Variants in DUSP19 observed in about 807,000 individuals in gnomAD.
DUSP19 encodes the protein dual specificity protein phosphatase 19.
In DUSP19, 14 loss-of-function variants were observed where a neutral mutation model predicts 16.6. The ratio of observed to expected loss-of-function variants is 0.84; its 90% CI spans 0.56 to 1.32. The LOEUF (loss-of-function observed/expected upper bound fraction) is 1.32. Ranked by LOEUF, DUSP19 falls within the 40% of genes most tolerant of loss-of-function variation. The pLI is 0.00. For missense variants in DUSP19, 258 were observed against 255.9 expected, an observed-to-expected ratio of 1.01 and a Z score of -0.06; for synonymous variants, 81 against 90.5, an observed-to-expected ratio of 0.90 and a Z score of 0.59.
rs1378440626 is a variant in DUSP19 at position 183,083,528 on chromosome 2, G to T, written c.247G>T (p.Asp83Tyr). The T allele has an allele frequency of 1.2e-6, 2 of 1,611,790 alleles. No homozygotes were observed. Among genetic ancestry groups the T allele is most frequent in the Admixed American group, 3.3e-5 (2 of 59,856 alleles). ...TCTAGGGTCACAAGATGCTGCTCAT[G>T]ATTTGGATACACTGAAAAAGAATAA... Reference protein sequence around the residue: ...LLLGSQDAAHDLDTLKKNKVT... With the variant: ...LLLGSQDAAHYLDTLKKNKVT... The change falls in exon 2 of 4, where the codon GAT (aspartate) becomes TAT (tyrosine). Residue 83 changes from aspartate (D) to tyrosine (Y), a missense_variant. By Grantham distance (160) the Asp-to-Tyr change is radical (BLOSUM62 -3). Transcript: ENST00000354221.
chr2:183,089,413 C>T (rs1348127857), intron 3 of DUSP19, among the ~76,000 whole-genome samples: 2 of 152,190 alleles, frequency 1.3e-5, no homozygotes, highest in Non-Finnish European at 2.9e-5. Context: ...TCAAAGTTTG[C>T]CAGTGGGGAT....
rs1292745622 is a variant in DUSP19, at chr2:183,097,073, T to C, written c.*1415T>C. The C allele has an allele frequency of 3.3e-5, 5 of 151,658 alleles. No homozygotes were observed. The South Asian group carries it at 1.0e-3, about 32-fold the overall frequency. 9.4% of individuals were successfully genotyped at this position (151,658 alleles called of 1,614,324 possible). A position where few individuals can be genotyped will look rare whatever the true frequency, so the allele number is the denominator to read the frequency against. On this transcript the variant is annotated 3_prime_UTR_variant, in exon 4 of 4. Transcript: ENST00000354221. The stretch of plus-strand genomic sequence containing the variant: ...CAGGGTCTTGCTCTGTCACCTAGGC[T>C]AGAGTGGAGTGGCATGAACACAACG...
At position 183,079,007 on chromosome 2, in the gene DUSP19, C is replaced by G; in HGVS notation, c.74C>G (p.Thr25Arg). 6.2e-7 allele frequency: 1 copy of G among 1,614,090 alleles called. No homozygotes were observed. Among genetic ancestry groups the G allele is most frequent in the South Asian group, 1.1e-5 (1 of 91,072 alleles). The change falls in exon 1 of 4, where the codon ACG (threonine) becomes AGG (arginine). Residue 25 changes from threonine (T) to arginine (R), a missense_variant. Physicochemically the swap from Thr to Arg is moderately conservative, Grantham distance 71 (BLOSUM62 -1). Coordinates refer to ENST00000354221, the MANE Select transcript of DUSP19 (RefSeq NM_080876.4). ...NLRKQCTRVT[T>R]LTGKKIIETW... ...AGGAAGCAATGCACCAGGGTGACAA[C>G]GCTAACTGGAAAGAAAATTATAGAA...
intron 3 of DUSP19, among the ~76,000 whole-genome samples, chr2:183,095,023 T>C (rs953042101): frequency 6.6e-5 from 10 of 152,200 alleles, no homozygotes; most frequent in African/African-American, 2.4e-4. Context: ...GGCTACAAAG[T>C]TGTTAGGTTT....
chr2:183,083,487 G>A, intron 1 of DUSP19, 21 bp from the exon 2 acceptor site: 2 of 1,588,386 alleles, frequency 1.3e-6, no homozygotes, highest in Non-Finnish European at 8.6e-7. Context: ...TGTTCAAGGT[G>A]GTATCATTTA....
intron 3 of DUSP19, among the ~76,000 whole-genome samples, chr2:183,093,182 A>C (rs1024446518): frequency 6.6e-6 from 1 of 152,206 alleles, no homozygotes; most frequent in African/African-American, 2.4e-5. Context: ...ACTCTATGAA[A>C]TGGAAATAAC....
rs1284006498 is a variant in DUSP19 at position 183,098,838 on chromosome 2, T to C, written c.*3180T>C. 1.3e-5 allele frequency: 2 copies of C among 152,222 alleles called. No individual in the cohort carries two copies. The highest frequency in any genetic ancestry group is 6.5e-5 in the Admixed American group (1 of 15,284). The allele number at this position is 152,222 out of a possible 1,614,324, so 9.4% of individuals were successfully genotyped here. A position where few individuals can be genotyped will look rare whatever the true frequency, so the allele number is the denominator to read the frequency against. Reference sequence around the variant, plus strand: ...GGTTTCTGATTACATAAAATTTGAATAGAACACTCAAGAAGTATGTAGATT... The same window carrying C: ...GGTTTCTGATTACATAAAATTTGAACAGAACACTCAAGAAGTATGTAGATT... On this transcript the variant is annotated 3_prime_UTR_variant, in exon 4 of 4. Transcript: ENST00000354221.
In DUSP19 at chr2:183,095,696, G is replaced by A; in HGVS notation, c.*38G>A. 6.6e-7 allele frequency: 1 copy of A among 1,516,776 alleles called. No homozygotes were observed. Among genetic ancestry groups the A allele is most frequent in the South Asian group, 1.2e-5 (1 of 82,902 alleles). 94.0% of individuals were successfully genotyped at this position (1,516,776 alleles called of 1,614,324 possible). A position where few individuals can be genotyped will look rare whatever the true frequency, so the allele number is the denominator to read the frequency against. ...CAGACAATGGACAACTGTAGTTTCTGAATTGACTTCTATAGCCATCTTTTC... is the reference window on the plus strand; with the variant it reads ...CAGACAATGGACAACTGTAGTTTCTAAATTGACTTCTATAGCCATCTTTTC... On this transcript the variant is annotated 3_prime_UTR_variant, in exon 4 of 4. Transcript: ENST00000354221.
Position 183,099,525 on chromosome 2 carries a change from T to C in DUSP19, c.*3867T>C, listed in dbSNP as rs1325781963. ...AATAACTTATAGTTAGACTTTTCTA[T>C]TTCAAGTAAAGCTTTGAGTTACTTG... On this transcript the variant is annotated 3_prime_UTR_variant, in exon 4 of 4. Transcript: ENST00000354221. 2 of 152,252 alleles carry C rather than the reference T, an allele frequency of 1.3e-5. No individual in the cohort carries two copies. Among genetic ancestry groups the C allele is most frequent in the Admixed American group, 6.5e-5 (1 of 15,282 alleles). The allele number at this position is 152,252 out of a possible 1,614,324, so 9.4% of individuals were successfully genotyped here.
At chr2:183,086,289 A>G (rs1313386633) in intron 2 of DUSP19, among the ~76,000 whole-genome samples, 1 of 152,208 alleles carries the variant, frequency 6.6e-6, no homozygotes, top group African/African-American at 2.4e-5. Flanking sequence ...AATTCTTGAA[A>G]GGGAAGTTGT....
At chr2:183,092,815 T>C (rs1048936311) in intron 3 of DUSP19, among the ~76,000 whole-genome samples, 7 of 150,680 alleles carry the variant, frequency 4.6e-5, no homozygotes, top group Non-Finnish European at 8.8e-5. Flanking sequence ...GTGATTCTCC[T>C]GCCTCAGCCT....
At chr2:183,083,324 A>T in intron 1 of DUSP19, 184 bp from the exon 2 acceptor site, 1 of 485,436 alleles carries the variant, frequency 2.1e-6, no homozygotes, top group Non-Finnish European at 3.7e-6. Context: ...TTTTAGAAGT[A>T]GGATTTCAGA....
Position 183,096,990 on chromosome 2 carries a change from TTAAAA to T in DUSP19, c.*1334_*1338del, listed in dbSNP as rs1237748168. On this transcript the variant is annotated 3_prime_UTR_variant, in exon 4 of 4. Transcript: ENST00000354221. ...ATTTTTTCTTCAGAATATGGTATAC[TTAAAA>T]TTAATTAATTAAGACAGTTTCTTTT... is the stretch of plus-strand genomic sequence containing the variant. 2 of 152,326 alleles carry T rather than the reference TTAAAA, an allele frequency of 1.3e-5. No individual in the cohort carries two copies. Among genetic ancestry groups the T allele is most frequent in the Non-Finnish European group, 2.9e-5 (2 of 68,002 alleles). The allele number at this position is 152,326 out of a possible 1,614,324, so 9.4% of individuals were successfully genotyped here. A position where few individuals can be genotyped will look rare whatever the true frequency, so the allele number is the denominator to read the frequency against.
Position 183,097,541 on chromosome 2 carries a change from G to T in DUSP19, c.*1883G>T. 1 of 152,296 alleles carries T rather than the reference G, an allele frequency of 6.6e-6. No individual in the cohort carries two copies. Among genetic ancestry groups the T allele is most frequent in the Non-Finnish European group, 1.5e-5 (1 of 68,036 alleles). The allele number at this position is 152,296 out of a possible 1,614,324, so 9.4% of individuals were successfully genotyped here. On this transcript the variant is annotated 3_prime_UTR_variant, in exon 4 of 4. Coordinates refer to ENST00000354221, the MANE Select transcript of DUSP19 (RefSeq NM_080876.4). ...GTGATAAATGCAAGTTATGTTTTGA[G>T]ATTGCTTACACCGTGACAAGATGCC...
chr2:183,088,097 G>A (rs1015097631), intron 3 of DUSP19, among the ~76,000 whole-genome samples: 10 of 152,170 alleles, frequency 6.6e-5, no homozygotes, highest in Non-Finnish European at 1.3e-4. Context: ...GGTTCCATAA[G>A]ATTATAATAA....
chr2:183,080,954 C>T (rs995932511), intron 1 of DUSP19, among the ~76,000 whole-genome samples: 10 of 152,200 alleles, frequency 6.6e-5, no homozygotes, highest in Admixed American at 1.3e-4. Flanking sequence ...ACTTAGTTTA[C>T]GTCTGGGAGA....
intron 3 of DUSP19, among the ~76,000 whole-genome samples, chr2:183,094,065 A>T (rs71427871): frequency 0.11 from 17,475 of 152,190 alleles, 1,202 homozygotes; most frequent in African/African-American, 0.19. Context: ...TTTGAAAATG[A>T]GTCATAAATA....
intron 1 of DUSP19, 131 bp from the exon 2 acceptor site, chr2:183,083,377 C>A: frequency 1.3e-6 from 1 of 761,756 alleles, no homozygotes; most frequent in Non-Finnish European, 2.1e-6. Flanking sequence ...AATTGCCCTT[C>A]AGAAAGTTGG....
chr2:183,087,187 AG>A lies in DUSP19; in HGVS notation c.422del (p.Arg141LysfsTer21). ...TTTTGAATTTATTGAAGAAGCAAAA[AG>A]AAAAGTGAGTTTTGTTTTGATCCAT... Reference protein sequence around the residue: ...ECFEFIEEAKRKDGVVLVHCN... With the variant: ...ECFEFIEEAKXKDGVVLVHCN... On this transcript the variant is annotated frameshift_variant, in exon 3 of 4. Coordinates refer to ENST00000354221, the MANE Select transcript of DUSP19 (RefSeq NM_080876.4). LOFTEE classifies it high-confidence loss of function. 6.2e-7 allele frequency: 1 copy of A among 1,612,560 alleles called. No homozygotes were observed. Among genetic ancestry groups the A allele is most frequent in the Non-Finnish European group, 8.5e-7 (1 of 1,179,658 alleles).
Sources: gnomAD v4.1 joint callset for allele counts (sites outside exome capture counted in the v4.1 genomes callset) on GRCh38, gnomAD v4.1.1 for gene constraint, MANE v1.5 for transcripts, NCBI Gene and HGNC (gene_info 2026-07-23, HGNC 2026-07-21) for gene names.